Variants in DLC1 observed in about 807,000 individuals in gnomAD.
DLC1 encodes DLC1 Rho GTPase activating protein, also known as rho GTPase-activating protein 7.
Under a neutral mutation model 140.3 loss-of-function variants are expected in DLC1, and 54 were observed. That is an observed-to-expected ratio of 0.38 (90% CI 0.31 to 0.48). The LOEUF is 0.48. DLC1 is among the 20% of genes least tolerant of loss of function. The pLI is 0.96. For missense variants in DLC1, 2,536 were observed against 1,907.0 expected, an observed-to-expected ratio of 1.33 and a Z score of -6.14; for synonymous variants, 986 against 728.1, an observed-to-expected ratio of 1.35 and a Z score of -5.70.
At chr8:13,125,302 T>C (rs1055402218) in intron 5 of DLC1, among the ~76,000 whole-genome samples, 1 of 152,166 alleles carries the variant, frequency 6.6e-6, no homozygotes, top group African/African-American at 2.4e-5. Context: ...GAGATCGACT[T>C]CTTGATTTGT....
chr8:13,167,105 A>G (rs1457005531), intron 5 of DLC1, among the ~76,000 whole-genome samples: 2 of 152,204 alleles, frequency 1.3e-5, no homozygotes, highest in African/African-American at 4.8e-5. Context: ...CTACGCAACT[A>G]GAGGAAATGA....
intron 5 of DLC1, among the ~76,000 whole-genome samples, chr8:13,141,776 T>C (rs962726787): frequency 2.0e-5 from 3 of 152,238 alleles, no homozygotes; most frequent in African/African-American, 4.8e-5. Context: ...TCTTCCAAGA[T>C]TGGCTTTTCA....
At chr8:13,298,453 C>T (rs921521169) in intron 5 of DLC1, among the ~76,000 whole-genome samples, 3 of 152,158 alleles carry the variant, frequency 2.0e-5, no homozygotes, top group Non-Finnish European at 4.4e-5. Flanking sequence ...ATAGCCAGAG[C>T]ATTTTTATAA....
Position 13,263,305 on chromosome 8 carries a change from T to C in DLC1, c.1348+41964A>G, listed in dbSNP as rs1053087982. Among the ~76,000 whole-genome samples the C allele has an allele frequency of 3.4e-4, 52 of 152,324 alleles. 1 individual carries two copies. Among genetic ancestry groups the C allele is most frequent in the African/African-American group, 1.2e-3 (51 of 41,578 alleles). On this transcript the variant is annotated intron_variant, in intron 5 of 17. Transcript: ENST00000276297. ...TCTGAATTACATTTTTTTCTTTTTC[T>C]AATTCTCAGATGGTCGCTCTTTCCA... is the stretch of plus-strand genomic sequence containing the variant.
intron 12 of DLC1, among the ~76,000 whole-genome samples, chr8:13,093,121 C>G (rs560801320): frequency 6.7e-6 from 1 of 148,218 alleles, no homozygotes; most frequent in South Asian, 2.2e-4. Context: ...TTTTAGTTTA[C>G]AGAACAGTTT....
intron 12 of DLC1, among the ~76,000 whole-genome samples, chr8:13,093,067 C>G (rs1225910954): frequency 6.6e-6 from 1 of 152,114 alleles, no homozygotes; most frequent in Non-Finnish European, 1.5e-5. Flanking sequence ...TACCCAAACA[C>G]TCTTAAATCC....
At chr8:13,548,457 C>A (rs907140119) in intron 1 of DLC1, among the ~76,000 whole-genome samples, 11 of 151,902 alleles carry the variant, frequency 7.2e-5, no homozygotes, top group Admixed American at 6.6e-4. Flanking sequence ...CATGGGTCTG[C>A]AATAGTGAAG....
chr8:13,551,902 A>G (rs1375061524), intron 1 of DLC1, among the ~76,000 whole-genome samples: 1 of 146,586 alleles, frequency 6.8e-6, no homozygotes, highest in Non-Finnish European at 1.5e-5. Flanking sequence ...ATATACATAT[A>G]TATATATATA....
At chr8:13,093,933 A>G (rs1818290368) in intron 12 of DLC1, among the ~76,000 whole-genome samples, 1 of 152,264 alleles carries the variant, frequency 6.6e-6, no homozygotes, top group Admixed American at 6.5e-5. Flanking sequence ...TTTAAGCTTT[A>G]CATAAAAGTA....
chr8:13,219,348 CAT>C (rs1491170669), intron 5 of DLC1, among the ~76,000 whole-genome samples: 1 of 74,938 alleles, frequency 1.3e-5, no homozygotes, highest in Non-Finnish European at 2.5e-5. Context: ...TTATATAAAT[CAT>C]ATAGTTATAT....
chr8:13,292,781 CAATT>C (rs1831809079), intron 5 of DLC1, among the ~76,000 whole-genome samples: 1 of 152,086 alleles, frequency 6.6e-6, no homozygotes, highest in South Asian at 2.1e-4. Flanking sequence ...AAAAATGCAT[CAATT>C]GTGTCACTCA....
chr8:13,413,897 A>C (rs916667948), intron 2 of DLC1, among the ~76,000 whole-genome samples: 1 of 152,162 alleles, frequency 6.6e-6, no homozygotes, highest in Non-Finnish European at 1.5e-5. Flanking sequence ...AGAACAGACT[A>C]ATACAACATT....
chr8:13,390,985 A>AAAAAAAAAAAG (rs1270277840), intron 4 of DLC1, among the ~76,000 whole-genome samples: 2 of 90,268 alleles, frequency 2.2e-5, no homozygotes, highest in Non-Finnish European at 4.5e-5. Flanking sequence ...ACTCCGTCTC[A>AAAAAAAAAAAG]AAAAAAAAAA....
At chr8:13,182,959 T>C (rs901875661) in intron 5 of DLC1, among the ~76,000 whole-genome samples, 7 of 152,198 alleles carry the variant, frequency 4.6e-5, no homozygotes, top group Admixed American at 3.9e-4. Context: ...GAGCATGGAA[T>C]ATTCTTCCAT....
intron 1 of DLC1, among the ~76,000 whole-genome samples, chr8:13,523,743 T>C (rs113944107): frequency 5.3e-4 from 80 of 152,256 alleles, no homozygotes; most frequent in African/African-American, 1.8e-3. Context: ...AAAGCCAAGA[T>C]TGGAGACACA....
chr8:13,145,289 C>G (rs937275745), intron 5 of DLC1, among the ~76,000 whole-genome samples: 1 of 151,924 alleles, frequency 6.6e-6, no homozygotes, highest in African/African-American at 2.4e-5. Flanking sequence ...AAAAGCAAAA[C>G]AAAGAATTTA....
At chr8:13,532,761 C>G (rs1157537133) in intron 1 of DLC1, among the ~76,000 whole-genome samples, 1 of 152,134 alleles carries the variant, frequency 6.6e-6, no homozygotes, top group Non-Finnish European at 1.5e-5. Context: ...AAGCACAAAG[C>G]TCTTAACCAC....
chr8:13,095,414 G>A, intron 10 of DLC1, 169 bp from the exon 11 acceptor site: 1 of 769,012 alleles, frequency 1.3e-6, no homozygotes, highest in Non-Finnish European at 2.1e-6. Context: ...AGTGGTACTG[G>A]CCACACTTCA....
intron 4 of DLC1, among the ~76,000 whole-genome samples, chr8:13,309,590 A>C (rs1402991500): frequency 6.6e-6 from 1 of 152,188 alleles, no homozygotes; most frequent in African/African-American, 2.4e-5. Context: ...GACTGTGTGC[A>C]TGCCTGTTTG....
Sources: allele counts gnomAD v4.1 joint callset (sites outside exome capture counted in the v4.1 genomes callset), GRCh38; gene constraint gnomAD v4.1.1; transcripts MANE v1.5; gene names NCBI Gene and HGNC (gene_info 2026-07-23, HGNC 2026-07-21).